SLCO4C1: variants seen among roughly 807,000 people sequenced by gnomAD.
The protein encoded by SLCO4C1 is organic anion transporter M1.
SLCO4C1 carries 58 observed loss-of-function variants against 72.1 expected under a neutral mutation model. The observed-to-expected ratio is 0.80, with a 90% CI of 0.65 to 1.00. The LOEUF is 1.00. Among genes scored for constraint, SLCO4C1 ranks in the 50% least tolerant of loss-of-function variants. SLCO4C1 has a pLI of 0.00. For synonymous variants in SLCO4C1, 297 were observed against 312.5 expected (o/e 0.95, Z 0.52); for missense variants, 898 against 857.9 (o/e 1.05, Z -0.58).
chr5:102,267,976 T>C (rs779508271), intron 3 of SLCO4C1, among the ~76,000 whole-genome samples: 11 of 152,278 alleles, frequency 7.2e-5, no homozygotes, highest in Admixed American at 1.3e-4. Context: ...TATTAATATT[T>C]AAAAGTTTTT....
At chr5:102,260,858 A>C (rs150082516) in intron 5 of SLCO4C1, among the ~76,000 whole-genome samples, 12 of 152,266 alleles carry the variant, frequency 7.9e-5, no homozygotes, top group Middle Eastern at 6.8e-3. Context: ...AACAGTTAAC[A>C]TATGGAACTA....
intron 9 of SLCO4C1, 72 bp downstream of exon 9, chr5:102,249,566 C>A: frequency 6.5e-7 from 1 of 1,530,122 alleles, no homozygotes; most frequent in Non-Finnish European, 9.0e-7. Context: ...CATTGCATAA[C>A]CCCATTAGAG....
In SLCO4C1 at chr5:102,261,905, T is replaced by C. The variant is rs572392219; in HGVS notation, c.1021+7A>G. 4.4e-6 allele frequency: 7 copies of C among 1,608,402 alleles called. No individual in the cohort carries two copies. Among genetic ancestry groups the C allele is most frequent in the African/African-American group, 2.7e-5 (2 of 74,560 alleles). On this transcript the variant is annotated splice_region_variant and intron_variant, in intron 5 of 12. Transcript: ENST00000310954. ...AACCTCTCTGGTTTTAAAGAAAGCA[T>C]GTTTACCTGGTAAATGTTTTGGAAA...
chr5:102,283,326 G>A (rs1749390721), intron 2 of SLCO4C1, among the ~76,000 whole-genome samples: 1 of 151,934 alleles, frequency 6.6e-6, no homozygotes, highest in African/African-American at 2.4e-5. Flanking sequence ...TATAGTCAAA[G>A]AAACTTATCT....
At chr5:102,274,758 T>C (rs1460386733) in intron 2 of SLCO4C1, among the ~76,000 whole-genome samples, 1 of 152,152 alleles carries the variant, frequency 6.6e-6, no homozygotes, top group Admixed American at 6.6e-5. Context: ...CCATCTCTCT[T>C]TCTCCTTTCC....
intron 8 of SLCO4C1, among the ~76,000 whole-genome samples, chr5:102,254,631 ACT>A (rs1454905270): frequency 1.3e-5 from 2 of 152,128 alleles, no homozygotes; most frequent in African/African-American, 4.8e-5. Flanking sequence ...CTGAGGCAAG[ACT>A]CTCTACCAGC....
chr5:102,249,811 G>A (rs764852430), intron 8 of SLCO4C1, 23 bp from the exon 9 acceptor site: 3 of 1,607,612 alleles, frequency 1.9e-6, no homozygotes, highest in Non-Finnish European at 2.5e-6. Flanking sequence ...AATGAAAGAA[G>A]GGTAAATGAT....
At chr5:102,255,083 A>C (rs1373278082) in intron 8 of SLCO4C1, among the ~76,000 whole-genome samples, 2 of 152,296 alleles carry the variant, frequency 1.3e-5, no homozygotes, top group Admixed American at 6.5e-5. Context: ...ATTTCTATTT[A>C]TATCTATATA....
chr5:102,262,078 T>C (rs2112362604), intron 4 of SLCO4C1, 45 bp from the exon 5 acceptor site: 2 of 1,544,068 alleles, frequency 1.3e-6, no homozygotes, highest in Admixed American at 1.9e-5. Flanking sequence ...TCTACCTTAT[T>C]AATTAAAACT....
chr5:102,242,142 T>G (rs1748554431), intron 10 of SLCO4C1, among the ~76,000 whole-genome samples: 1 of 152,178 alleles, frequency 6.6e-6, no homozygotes, highest in Non-Finnish European at 1.5e-5. Context: ...AGAGGGAGTA[T>G]TTAAACCAGC....
At chr5:102,255,970 C>T (rs1748827336) in intron 8 of SLCO4C1, among the ~76,000 whole-genome samples, 1 of 131,460 alleles carries the variant, frequency 7.6e-6, no homozygotes, top group Non-Finnish European at 1.7e-5. Flanking sequence ...CTTTGGGTGG[C>T]CGAGCCAGGC....
chr5:102,294,867 A>C (rs1749619524), intron 1 of SLCO4C1, among the ~76,000 whole-genome samples: 1 of 152,236 alleles, frequency 6.6e-6, no homozygotes, highest in Non-Finnish European at 1.5e-5. Flanking sequence ...TAACTTAAAA[A>C]ATGAGCTGTT....
chr5:102,270,887 A>G (rs1749140500), intron 2 of SLCO4C1, 81 bp from the exon 3 acceptor site: 15 of 1,043,828 alleles, frequency 1.4e-5, no homozygotes, highest in Non-Finnish European at 2.0e-5. Context: ...CACTTGCCTA[A>G]TATAATATAA....
intron 8 of SLCO4C1, among the ~76,000 whole-genome samples, chr5:102,251,463 A>G (rs1037008858): frequency 2.6e-5 from 4 of 152,130 alleles, no homozygotes; most frequent in Non-Finnish European, 5.9e-5. Context: ...TCTTCCTGTT[A>G]AAAATGGAAG....
intron 8 of SLCO4C1, among the ~76,000 whole-genome samples, chr5:102,250,421 C>T (rs1177694583): frequency 1.3e-5 from 2 of 152,064 alleles, no homozygotes; most frequent in Non-Finnish European, 2.9e-5. Context: ...TCCCTTATAC[C>T]TCATTTATTT....
intron 2 of SLCO4C1, among the ~76,000 whole-genome samples, chr5:102,273,737 CAG>C (rs1168478053): frequency 6.6e-6 from 1 of 152,114 alleles, no homozygotes; most frequent in Non-Finnish European, 1.5e-5. Flanking sequence ...ATACTTCATT[CAG>C]AGATGCCATG....
At chr5:102,256,067 ATGG>A (rs1748829591) in intron 8 of SLCO4C1, among the ~76,000 whole-genome samples, 1 of 152,120 alleles carries the variant, frequency 6.6e-6, no homozygotes, top group South Asian at 2.1e-4. Context: ...TTAGCTGGTC[ATGG>A]TGGCATGCGC....
intron 3 of SLCO4C1, among the ~76,000 whole-genome samples, chr5:102,264,006 C>T (rs907711952): frequency 6.6e-6 from 1 of 151,946 alleles, no homozygotes; most frequent in African/African-American, 2.4e-5. Flanking sequence ...TAGAACAAAA[C>T]CAAAAATTAT....
intron 2 of SLCO4C1, among the ~76,000 whole-genome samples, 191 bp from the exon 3 acceptor site, chr5:102,270,997 T>C (rs1231973131): frequency 6.6e-6 from 1 of 152,164 alleles, no homozygotes; most frequent in Non-Finnish European, 1.5e-5. Flanking sequence ...CCTCACTTTA[T>C]GAAGGCCTAT....
Sources: gnomAD v4.1 joint callset for allele counts (sites outside exome capture counted in the v4.1 genomes callset) on GRCh38, gnomAD v4.1.1 for gene constraint, MANE v1.5 for transcripts, NCBI Gene and HGNC (gene_info 2026-07-23, HGNC 2026-07-21) for gene names.